The following MARK1 variants were observed in gnomAD, a reference collection of about 807,000 sequenced individuals.
The protein encoded by MARK1 is serine/threonine-protein kinase MARK1.
In MARK1, 40 loss-of-function variants were observed where a neutral mutation model predicts 96.3. The observed-to-expected ratio is 0.42, with a 90% CI of 0.32 to 0.54. The LOEUF (loss-of-function observed/expected upper bound fraction) is 0.54, where lower values mean the gene tolerates loss of function less well. Ranked by LOEUF, MARK1 falls within the 20% of genes least tolerant of loss-of-function variation. The pLI is 0.16. For missense variants in MARK1, 719 were observed against 984.6 expected (o/e 0.73, Z 3.61); for synonymous variants, 317 against 341.2 (o/e 0.93, Z 0.78).
chr1:220,567,442 G>A (rs1663134891), intron 1 of MARK1, among the ~76,000 whole-genome samples: 1 of 152,106 alleles, frequency 6.6e-6, no homozygotes, highest in Admixed American at 6.6e-5. Flanking sequence ...ACCTATGAGG[G>A]ATGGAAAAAC....
chr1:220,533,014 A>ATTTT (rs1558239412), intron 1 of MARK1, among the ~76,000 whole-genome samples: 5 of 149,512 alleles, frequency 3.3e-5, no homozygotes, highest in African/African-American at 1.3e-4. Flanking sequence ...CTTTTTTTTA[A>ATTTT]AAAAAAAAAT....
intron 13 of MARK1, among the ~76,000 whole-genome samples, chr1:220,640,388 A>G (rs576805838): frequency 1.3e-5 from 2 of 152,342 alleles, no homozygotes; most frequent in Non-Finnish European, 2.9e-5. Flanking sequence ...TTAGTTTAGT[A>G]TCTTGACTGA....
At chr1:220,622,130 G>T (rs1450693629) in intron 9 of MARK1, among the ~76,000 whole-genome samples, 1 of 152,038 alleles carries the variant, frequency 6.6e-6, no homozygotes, top group South Asian at 2.1e-4. Context: ...AAACGGATTT[G>T]TGCTTTATGT....
At position 220,620,360 on chromosome 1, in the gene MARK1, C is replaced by T. The variant is rs573755367; in HGVS notation, c.909+1605C>T. Among the ~76,000 whole-genome samples, 13 of 152,174 alleles carry T rather than the reference C, an allele frequency of 8.5e-5. No homozygotes were observed. The South Asian group carries it at 1.0e-3, about 12-fold the overall frequency. ...AAGCTAAAATTTTTGACTCTCATAT[C>T]AGTTCTAAAATAATGAACTTTAGAG... On this transcript the variant is annotated intron_variant, in intron 9 of 17. Coordinates refer to ENST00000366917, the MANE Select transcript of MARK1 (RefSeq NM_018650.5).
At chr1:220,599,305 G>T (rs1665589230) in intron 4 of MARK1, among the ~76,000 whole-genome samples, 1 of 151,808 alleles carries the variant, frequency 6.6e-6, no homozygotes, top group Non-Finnish European at 1.5e-5. Context: ...GTATATAGTT[G>T]TTAAAGTATT....
chr1:220,557,382 C>A (rs1312318940), intron 1 of MARK1, among the ~76,000 whole-genome samples: 4 of 152,044 alleles, frequency 2.6e-5, no homozygotes, highest in African/African-American at 9.7e-5. Context: ...TGAGACCAAA[C>A]ATGGTGAAAC....
At chr1:220,576,723 C>T (rs1663876774) in intron 1 of MARK1, 1 of 152,112 alleles carries the variant, frequency 6.6e-6, no homozygotes, top group African/African-American at 2.4e-5. Flanking sequence ...TCCTAAATCC[C>T]TTCAATTTAG....
intron 1 of MARK1, among the ~76,000 whole-genome samples, chr1:220,533,428 T>A (rs1443116552): frequency 6.6e-6 from 1 of 152,180 alleles, no homozygotes; most frequent in East Asian, 1.9e-4. Context: ...TTAAAGTTAT[T>A]ATTATTGTTA....
intron 9 of MARK1, among the ~76,000 whole-genome samples, chr1:220,630,614 T>C (rs932551629): frequency 6.6e-6 from 1 of 152,196 alleles, no homozygotes; most frequent in Non-Finnish European, 1.5e-5. Flanking sequence ...CCATGACCTC[T>C]TCTTTACTAA....
chr1:220,603,487 C>A (rs896910669), intron 5 of MARK1, among the ~76,000 whole-genome samples: 4 of 151,984 alleles, frequency 2.6e-5, no homozygotes, highest in Admixed American at 6.6e-5. Context: ...TAGAGATACA[C>A]ACACAAATGA....
chr1:220,565,069 T>C (rs559926276), intron 1 of MARK1, among the ~76,000 whole-genome samples: 61 of 152,210 alleles, frequency 4.0e-4, no homozygotes, highest in Non-Finnish European at 7.9e-4. Flanking sequence ...AAATCCCAAA[T>C]GTGTATAATT....
intron 3 of MARK1, among the ~76,000 whole-genome samples, chr1:220,598,063 T>C (rs1353238921): frequency 6.6e-6 from 1 of 152,170 alleles, no homozygotes; most frequent in African/African-American, 2.4e-5. Context: ...GTATAGTGTA[T>C]TCACACCACA....
rs1668771002 is a variant in MARK1 at position 220,649,740 on chromosome 1, T to TATA, written c.1471-879_1471-878insTAA. 2.6e-5 allele frequency among the ~76,000 whole-genome samples: 4 copies of TATA among 152,324 alleles called. No homozygotes were observed. In the South Asian group the frequency reaches 8.3e-4, roughly 32 times the overall value. On this transcript the variant is annotated intron_variant, in intron 13 of 17. Transcript: ENST00000366917. Reference sequence around the variant, plus strand: ...AAAGTGAATTCAAGCAAGTATCTATTAAGTTTGTAGCCCTCATGATTCAAC... The same window carrying TATA: ...AAAGTGAATTCAAGCAAGTATCTATTATAAAGTTTGTAGCCCTCATGATTCAAC...
At chr1:220,546,838 G>A (rs754291550) in intron 1 of MARK1, among the ~76,000 whole-genome samples, 4 of 152,062 alleles carry the variant, frequency 2.6e-5, no homozygotes, top group Non-Finnish European at 5.9e-5. Flanking sequence ...TGGGCATGGC[G>A]GCGTGCGCCT....
At chr1:220,617,224 C>T (rs1271332652) in intron 7 of MARK1, among the ~76,000 whole-genome samples, 1 of 151,978 alleles carries the variant, frequency 6.6e-6, no homozygotes, top group East Asian at 1.9e-4. Context: ...ATAAATTATA[C>T]CCTATTTTTA....
chr1:220,629,324 GAGTAT>G (rs982235749), intron 9 of MARK1, among the ~76,000 whole-genome samples: 165 of 150,500 alleles, frequency 1.1e-3, no homozygotes, highest in African/African-American at 3.8e-3. Context: ...GCCTGACCAT[GAGTAT>G]AGTAAATTCT....
At chr1:220,548,057 A>C (rs1007540994) in intron 1 of MARK1, among the ~76,000 whole-genome samples, 1 of 152,266 alleles carries the variant, frequency 6.6e-6, no homozygotes, top group Admixed American at 6.5e-5. Flanking sequence ...ATACTTTAGC[A>C]CAGTGCTGTG....
chr1:220,565,433 G>A (rs1662976810), intron 1 of MARK1, among the ~76,000 whole-genome samples: 1 of 152,108 alleles, frequency 6.6e-6, no homozygotes, highest in Non-Finnish European at 1.5e-5. Context: ...ATCTTGATTT[G>A]TTGAAGTTGC....
intron 1 of MARK1, among the ~76,000 whole-genome samples, chr1:220,570,983 G>A (rs573888622): frequency 1.3e-5 from 2 of 152,008 alleles, no homozygotes; most frequent in Admixed American, 6.6e-5. Context: ...TCATATTTTT[G>A]TGTTTTATGT....
Sources: gnomAD v4.1 joint callset for allele counts (sites outside exome capture counted in the v4.1 genomes callset) on GRCh38, gnomAD v4.1.1 for gene constraint, MANE v1.5 for transcripts, NCBI Gene and HGNC (gene_info 2026-07-23, HGNC 2026-07-21) for gene names.